The following CNOT6L variants were observed in gnomAD, a reference collection of about 807,000 sequenced individuals.
CNOT6L encodes CCR4-NOT transcription complex subunit 6 like.
A neutral mutation model predicts 64.0 loss-of-function variants in CNOT6L; 7 were observed. The ratio of observed to expected loss-of-function variants is 0.11; its 90% CI spans 0.06 to 0.21. The LOEUF (loss-of-function observed/expected upper bound fraction) is 0.21. Among genes scored for constraint, CNOT6L ranks in the 10% least tolerant of loss-of-function variants. The probability of loss-of-function intolerance (pLI) is 1.00; values close to 1 mark genes in which losing one functional copy is unlikely to be tolerated. For missense variants in CNOT6L, 245 were observed against 669.0 expected (o/e 0.37, Z 6.99); for synonymous variants, 193 against 243.4 (o/e 0.79, Z 1.93).
At chr4:77,764,000 C>G (rs1053022599) in intron 4 of CNOT6L, among the ~76,000 whole-genome samples, 10 of 152,144 alleles carry the variant, frequency 6.6e-5, no homozygotes, top group Admixed American at 5.2e-4. Flanking sequence ...AAAGCTGTAG[C>G]CTTAAATGCT....
intron 11 of CNOT6L, among the ~76,000 whole-genome samples, chr4:77,722,505 G>A (rs1721387511): frequency 6.6e-6 from 1 of 152,160 alleles, no homozygotes; most frequent in South Asian, 2.1e-4. Context: ...AGAGGTTGCA[G>A]TGTACTTAGA....
intron 1 of CNOT6L, among the ~76,000 whole-genome samples, chr4:77,802,660 G>A (rs914011259): frequency 6.6e-6 from 1 of 152,130 alleles, no homozygotes; most frequent in African/African-American, 2.4e-5. Flanking sequence ...CCCAGTATGT[G>A]GCCAGATGGT....
At chr4:77,747,414 C>T (rs751942994) in intron 6 of CNOT6L, among the ~76,000 whole-genome samples, 6 of 152,262 alleles carry the variant, frequency 3.9e-5, no homozygotes, top group Non-Finnish European at 7.4e-5. Context: ...CAGATCTGCC[C>T]GCCTTGGCCT....
At chr4:77,777,095 T>A (rs1309781503) in intron 1 of CNOT6L, among the ~76,000 whole-genome samples, 1 of 152,250 alleles carries the variant, frequency 6.6e-6, no homozygotes, top group African/African-American at 2.4e-5. Flanking sequence ...TCTTACTGTT[T>A]AAGCTACTTT....
At chr4:77,757,033 T>A (rs1409556623) in intron 4 of CNOT6L, 82 bp from the exon 5 acceptor site, 1 of 592,780 alleles carries the variant, frequency 1.7e-6, no homozygotes. Context: ...AATAAAATAC[T>A]AATTTCTTAA....
intron 1 of CNOT6L, among the ~76,000 whole-genome samples, chr4:77,790,376 G>A (rs1203956445): frequency 6.6e-6 from 1 of 152,200 alleles, no homozygotes; most frequent in Non-Finnish European, 1.5e-5. Context: ...AAACATTCAT[G>A]TGCAGGTTTT....
chr4:77,738,106 T>C (rs1156721228), intron 8 of CNOT6L, among the ~76,000 whole-genome samples: 2 of 152,112 alleles, frequency 1.3e-5, no homozygotes, highest in Admixed American at 1.3e-4. Context: ...GACTTGGCCT[T>C]ACCTGGTACC....
intron 10 of CNOT6L, among the ~76,000 whole-genome samples, chr4:77,727,562 C>CAAAAAA (rs55848621): frequency 9.5e-5 from 8 of 84,590 alleles, no homozygotes; most frequent in African/African-American, 1.5e-4. Context: ...AACTCTGTCT[C>CAAAAAA]AAAAAAAAAA....
intron 6 of CNOT6L, among the ~76,000 whole-genome samples, chr4:77,747,858 T>C (rs1268230632): frequency 9.9e-5 from 15 of 152,206 alleles, no homozygotes; most frequent in Admixed American, 5.9e-4. Flanking sequence ...GTCTACATTA[T>C]TCTTCCATAA....
chr4:77,768,620 A>G (rs890251580), intron 4 of CNOT6L, among the ~76,000 whole-genome samples: 6 of 151,256 alleles, frequency 4.0e-5, no homozygotes, highest in African/African-American at 9.7e-5. Context: ...CTCCAATTCA[A>G]TAAGAAATCA....
At chr4:77,735,089 C>T (rs1722803076) in intron 8 of CNOT6L, among the ~76,000 whole-genome samples, 1 of 152,118 alleles carries the variant, frequency 6.6e-6, no homozygotes, top group South Asian at 2.1e-4. Flanking sequence ...CTAGGAGCAC[C>T]ACCATCCAAT....
At chr4:77,730,827 A>C (rs1342063858) in intron 9 of CNOT6L, among the ~76,000 whole-genome samples, 1 of 152,108 alleles carries the variant, frequency 6.6e-6, no homozygotes, top group African/African-American at 2.4e-5. Flanking sequence ...AGATGCTCAA[A>C]GGCAGGCAGT....
At chr4:77,801,578 AAAC>A (rs1470779641) in intron 1 of CNOT6L, among the ~76,000 whole-genome samples, 1 of 152,032 alleles carries the variant, frequency 6.6e-6, no homozygotes. Flanking sequence ...AATTTTCTGA[AAAC>A]AAATTGCACA....
intron 2 of CNOT6L, among the ~76,000 whole-genome samples, chr4:77,775,004 A>G (rs1159303637): frequency 6.6e-6 from 1 of 152,184 alleles, no homozygotes; most frequent in Non-Finnish European, 1.5e-5. Flanking sequence ...GTAGTTCTCA[A>G]CCAGAGGCAA....
Position 77,718,579 on chromosome 4 carries a change from G to A in CNOT6L, c.*1852C>T, listed in dbSNP as rs1170621493. ...CAATGACATTCCAATTATAATAGAT[G>A]ACAAACAACGCCTCTATCACTAGGC... On this transcript the variant is annotated 3_prime_UTR_variant, in exon 12 of 12. Coordinates refer to ENST00000504123, the MANE Select transcript of CNOT6L (RefSeq NM_144571.3). The A allele has an allele frequency of 2.0e-5, 3 of 152,414 alleles. No individual in the cohort carries two copies. In the East Asian group the frequency reaches 5.8e-4, roughly 29 times the overall value. 9.4% of individuals were successfully genotyped at this position (152,414 alleles called of 1,614,324 possible). A position where few individuals can be genotyped will look rare whatever the true frequency, so the allele number is the denominator to read the frequency against.
chr4:77,752,404 T>A (rs1450963543), intron 5 of CNOT6L, among the ~76,000 whole-genome samples: 1 of 152,116 alleles, frequency 6.6e-6, no homozygotes, highest in Non-Finnish European at 1.5e-5. Context: ...ACAAACAAAC[T>A]AACATATAGG....
intron 1 of CNOT6L, among the ~76,000 whole-genome samples, chr4:77,794,986 T>C (rs1183376045): frequency 6.6e-6 from 1 of 150,792 alleles, no homozygotes; most frequent in Non-Finnish European, 1.5e-5. Flanking sequence ...TATTTCTACA[T>C]ACAGGTAACA....
At chr4:77,753,123 G>C (rs191126851) in intron 5 of CNOT6L, among the ~76,000 whole-genome samples, 14 of 126,692 alleles carry the variant, frequency 1.1e-4, no homozygotes, top group Admixed American at 1.1e-3. Context: ...CATAGAAAGA[G>C]AAATGGAAAT....
At chr4:77,784,364 T>C (rs1279236553) in intron 1 of CNOT6L, among the ~76,000 whole-genome samples, 2 of 152,194 alleles carry the variant, frequency 1.3e-5, no homozygotes, top group Non-Finnish European at 2.9e-5. Context: ...TATTTCATTA[T>C]CAATATGGAC....
Sources: allele counts gnomAD v4.1 joint callset (sites outside exome capture counted in the v4.1 genomes callset), GRCh38; gene constraint gnomAD v4.1.1; transcripts MANE v1.5; gene names NCBI Gene and HGNC (gene_info 2026-07-23, HGNC 2026-07-21).